Variants in FBXO4 observed in about 807,000 individuals in gnomAD.
FBXO4 encodes F-box protein 4, also known as F-box only protein 4.
A neutral mutation model predicts 43.7 loss-of-function variants in FBXO4; 36 were observed. The ratio of observed to expected loss-of-function variants is 0.82; its 90% confidence interval spans 0.63 to 1.09. FBXO4 has a LOEUF of 1.09. Among genes scored for constraint, FBXO4 ranks in the 50% least tolerant of loss-of-function variants. The pLI, the probability that FBXO4 is intolerant of heterozygous loss-of-function variation, is 0.00. For synonymous variants in FBXO4, 180 were observed against 165.6 expected, an observed-to-expected ratio of 1.09 and a Z score of -0.67; for missense variants, 435 against 474.1, an observed-to-expected ratio of 0.92 and a Z score of 0.77.
At chr5:41,950,491 T>C in the FBXO4 span, among the ~76,000 whole-genome samples, 2 of 152,106 alleles carry the variant, frequency 1.3e-5, no homozygotes, top group African/African-American at 4.8e-5. Flanking sequence ...ATTAGAGAAA[T>C]GCAAATCAAA....
chr5:41,927,150 T>G lies in FBXO4; in HGVS notation c.327T>G (p.Ser109=). The change falls in exon 2 of 7, where the codon TCT becomes TCG. Residue 109 remains serine, a synonymous_variant. Transcript: ENST00000281623. ...WRYFLLRDLP[S]WSSVDWKSLP... Reference sequence around the variant, plus strand: ...ACTTTTTGTTGAGGGATCTTCCTTCTTGGTCTTCTGTTGACTGGAAGTCTC... The same window carrying G: ...ACTTTTTGTTGAGGGATCTTCCTTCGTGGTCTTCTGTTGACTGGAAGTCTC... The G allele has an allele frequency of 6.2e-7, 1 of 1,614,016 alleles. No homozygotes were observed. The highest frequency in any genetic ancestry group is 8.5e-7 in the Non-Finnish European group (1 of 1,179,948).
chr5:41,927,324 C>G, intron 2 of FBXO4, 76 bp downstream of exon 2: 1 of 1,050,294 alleles, frequency 9.5e-7, no homozygotes, highest in Non-Finnish European at 1.4e-6. Flanking sequence ...CAAGTTAATC[C>G]TGACCCTGCT....
the FBXO4 span, among the ~76,000 whole-genome samples, chr5:42,006,916 A>G: frequency 7.1e-6 from 1 of 140,908 alleles, no homozygotes; most frequent in Non-Finnish European, 1.5e-5. Flanking sequence ...ATATATATAT[A>G]TGTATATACA....
the FBXO4 span, among the ~76,000 whole-genome samples, chr5:42,032,148 C>A: frequency 1.3e-5 from 2 of 151,360 alleles, no homozygotes; most frequent in African/African-American, 4.9e-5. Flanking sequence ...CACCCCTGTG[C>A]CCACTACCAC....
chr5:41,996,995 A>G, the FBXO4 span, among the ~76,000 whole-genome samples: 14 of 152,268 alleles, frequency 9.2e-5, no homozygotes, highest in African/African-American at 3.4e-4. Flanking sequence ...AAAAGTGATC[A>G]AGTTCTCTCT....
At chr5:42,018,317 G>C in the FBXO4 span, among the ~76,000 whole-genome samples, 2 of 151,942 alleles carry the variant, frequency 1.3e-5, no homozygotes, top group African/African-American at 4.8e-5. Flanking sequence ...TGAAAGCCTA[G>C]CATAATCCTA....
the FBXO4 span, among the ~76,000 whole-genome samples, chr5:42,001,122 A>G: frequency 6.6e-6 from 1 of 152,170 alleles, no homozygotes; most frequent in Non-Finnish European, 1.5e-5. Context: ...ATGTCATTGG[A>G]ATTTTTGGTA....
chr5:41,952,046 G>T, the FBXO4 span: 1 of 238,150 alleles, frequency 4.2e-6, no homozygotes. Context: ...TCAGATTTAT[G>T]ATGCAGATGC....
At chr5:41,976,332 C>G in the FBXO4 span, among the ~76,000 whole-genome samples, 1 of 152,174 alleles carries the variant, frequency 6.6e-6, no homozygotes, top group Non-Finnish European at 1.5e-5. Flanking sequence ...CTTAAAAGTT[C>G]CAAAGTTCAA....
At chr5:41,946,104 A>G (rs149056766), downstream of FBXO4, among the ~76,000 whole-genome samples, 121 of 152,260 alleles carry the variant, frequency 7.9e-4, no homozygotes, top group Non-Finnish European at 1.0e-3. Context: ...TTAATAATAA[A>G]TGCTGGCATA....
the FBXO4 span, among the ~76,000 whole-genome samples, chr5:41,996,412 C>T: frequency 1.3e-5 from 2 of 152,264 alleles, no homozygotes; most frequent in East Asian, 3.9e-4. Flanking sequence ...GATGGCAGGG[C>T]CTTGCTTCAA....
chr5:42,024,621 C>G, the FBXO4 span, among the ~76,000 whole-genome samples: 1 of 151,992 alleles, frequency 6.6e-6, no homozygotes, highest in South Asian at 2.1e-4. Flanking sequence ...TACAGTCACC[C>G]TGTTGTGCTA....
the FBXO4 span, among the ~76,000 whole-genome samples, chr5:42,001,213 T>TATCATTCA: frequency 1.3e-4 from 19 of 149,848 alleles, no homozygotes; most frequent in African/African-American, 4.8e-4. Context: ...ATGAAAACAT[T>TATCATTCA]GTCATTCATT....
the FBXO4 span, among the ~76,000 whole-genome samples, chr5:42,015,300 G>T: frequency 6.6e-6 from 1 of 152,202 alleles, no homozygotes; most frequent in Non-Finnish European, 1.5e-5. Flanking sequence ...GTGTGCACAC[G>T]CACATGCGCT....
intron 5 of FBXO4, among the ~76,000 whole-genome samples, chr5:41,937,054 T>G (rs905166499): frequency 6.6e-6 from 1 of 152,142 alleles, no homozygotes; most frequent in Non-Finnish European, 1.5e-5. Context: ...ATCTAACTTA[T>G]CTGTAATTGG....
At chr5:41,983,701 C>A in the FBXO4 span, among the ~76,000 whole-genome samples, 6 of 152,060 alleles carry the variant, frequency 3.9e-5, no homozygotes, top group Admixed American at 3.9e-4. Context: ...TAAGCCATTG[C>A]AATTGCTATG....
the FBXO4 span, among the ~76,000 whole-genome samples, chr5:41,963,457 G>T: frequency 6.6e-6 from 1 of 151,976 alleles, no homozygotes. Context: ...TGAGGGTTAG[G>T]GCTGATCCCC....
the FBXO4 span, among the ~76,000 whole-genome samples, chr5:42,017,430 C>CT: frequency 0.1 from 15,567 of 150,764 alleles, 1,223 homozygotes; most frequent in African/African-American, 0.22. Context: ...CAAAAAATTT[C>CT]TTTTTTTTTC....
chr5:41,992,684 G>T, the FBXO4 span, among the ~76,000 whole-genome samples: 1 of 152,276 alleles, frequency 6.6e-6, no homozygotes, highest in African/African-American at 2.4e-5. Flanking sequence ...GATATTTTTA[G>T]ATTTGAATTG....
Sources: allele counts gnomAD v4.1 joint callset (sites outside exome capture counted in the v4.1 genomes callset), GRCh38; gene constraint gnomAD v4.1.1; transcripts MANE v1.5; gene names NCBI Gene and HGNC (gene_info 2026-07-23, HGNC 2026-07-21).